GSTO1: variants seen among roughly 807,000 people sequenced by gnomAD.
GSTO1 encodes glutathione S-transferase omega-1.
In GSTO1, 27 loss-of-function variants were observed where a neutral mutation model predicts 23.8. That is an observed-to-expected ratio of 1.13 (90% CI 0.83 to 1.56). GSTO1 has a LOEUF of 1.56. Ranked by LOEUF, GSTO1 falls within the 40% of genes most tolerant of loss-of-function variation. The pLI is 0.00. For missense variants in GSTO1, 255 were observed against 285.8 expected (o/e 0.89, Z 0.78); for synonymous variants, 105 against 109.3 (o/e 0.96, Z 0.25).
At chr10:104,262,910 T>G in intron 3 of GSTO1, 69 bp from the exon 4 acceptor site, 1 of 717,316 alleles carries the variant, frequency 1.4e-6, no homozygotes, top group Non-Finnish European at 2.5e-6. Flanking sequence ...GGTTCTACCA[T>G]ATTTTTATGT....
intron 2 of GSTO1, among the ~76,000 whole-genome samples, chr10:104,257,394 G>A (rs1354038585): frequency 6.0e-5 from 9 of 149,052 alleles, no homozygotes; most frequent in Non-Finnish European, 1.2e-4. Context: ...AGGCTGGAAT[G>A]CAGTGGTGCA....
chr10:104,265,965 T>C (rs2011177048), intron 4 of GSTO1, 119 bp from the exon 5 acceptor site: 2 of 564,252 alleles, frequency 3.5e-6, no homozygotes, highest in Non-Finnish European at 6.5e-6. Context: ...AAACCCAACT[T>C]GGATACATCG....
chr10:104,257,740 A>G (rs1001528501), intron 2 of GSTO1, among the ~76,000 whole-genome samples: 2 of 152,220 alleles, frequency 1.3e-5, no homozygotes, highest in Non-Finnish European at 2.9e-5. Flanking sequence ...TGGTTCTCAT[A>G]TAGTGGATAG....
chr10:104,260,948 A>G (rs7083244), intron 3 of GSTO1, among the ~76,000 whole-genome samples: 11,214 of 152,250 alleles, frequency 0.074, 1,383 homozygotes, highest in African/African-American at 0.26. Flanking sequence ...AGTTTTACAA[A>G]GTAGTAACAA....
intron 3 of GSTO1, among the ~76,000 whole-genome samples, chr10:104,261,082 G>A (rs2011136523): frequency 6.6e-6 from 1 of 152,160 alleles, no homozygotes; most frequent in South Asian, 2.1e-4. Context: ...TTTTTAGTAT[G>A]GCTGGAATAT....
chr10:104,260,377 G>A (rs1220068299), intron 3 of GSTO1, among the ~76,000 whole-genome samples: 4 of 152,068 alleles, frequency 2.6e-5, no homozygotes, highest in African/African-American at 9.7e-5. Flanking sequence ...GTTCATCATT[G>A]GTAAAATGGA....
rs185380244 is a variant in GSTO1 at position 104,266,245 on chromosome 10, T to C, written c.572+55T>C. 28 of 906,940 alleles carry C rather than the reference T, an allele frequency of 3.1e-5. No homozygotes were observed. The African/African-American group carries it at 4.1e-4, about 13-fold the overall frequency. The allele number at this position is 906,940 out of a possible 1,614,324, so 56.2% of individuals were successfully genotyped here. ...TTAGGATGACAGGTGGAATAGTATA[T>C]ATTGACCTTTCTTTATAACAGAAGT... On this transcript the variant is annotated intron_variant, in intron 5 of 5. Transcript: ENST00000369713.
chr10:104,259,081 CAG>C (rs1476527571), intron 2 of GSTO1, among the ~76,000 whole-genome samples: 6 of 152,144 alleles, frequency 3.9e-5, no homozygotes, highest in Admixed American at 2.0e-4. Context: ...CTATGGAAAA[CAG>C]TATAGATGTT....
intron 4 of GSTO1, 96 bp downstream of exon 4, chr10:104,263,173 C>T (rs1214702978): frequency 3.4e-6 from 2 of 586,362 alleles, no homozygotes; most frequent in South Asian, 2.2e-5. Context: ...CTTTCCAAGT[C>T]ACTTTAAGGT....
At chr10:104,266,475 G>A (rs994996528) in intron 5 of GSTO1, among the ~76,000 whole-genome samples, 2 of 152,294 alleles carry the variant, frequency 1.3e-5, no homozygotes, top group African/African-American at 2.4e-5. Context: ...GGTAGCTTAC[G>A]CCTGTAAGCC....
chr10:104,256,424 C>CTTCA (rs1458317345), intron 2 of GSTO1, among the ~76,000 whole-genome samples: 1 of 152,192 alleles, frequency 6.6e-6, no homozygotes, highest in African/African-American at 2.4e-5. Context: ...GGGTTATGTG[C>CTTCA]TTCACCCTGG....
At position 104,259,731 on chromosome 10, in the gene GSTO1, A is replaced by G. The variant is rs1261738193; in HGVS notation, c.299A>G (p.Lys100Arg). 6.2e-7 allele frequency: 1 copy of G among 1,613,962 alleles called. No individual in the cohort carries two copies. Among genetic ancestry groups the G allele is most frequent in the Non-Finnish European group, 8.5e-7 (1 of 1,179,806 alleles). ...TACCTGGATGAAGCATACCCAGGGAAGAAGCTGTTGCCGGATGACCCCTAT... is the reference window on the plus strand; with the variant it reads ...TACCTGGATGAAGCATACCCAGGGAGGAAGCTGTTGCCGGATGACCCCTAT... ...CEYLDEAYPG[K>R]KLLPDDPYEK... Residue 100 changes from lysine to arginine, a missense_variant, in exon 3 of 6, where the codon AAG (lysine) becomes AGG (arginine). Lys to Arg is a conservative substitution (Grantham distance 26). Coordinates refer to ENST00000369713, the MANE Select transcript of GSTO1 (RefSeq NM_004832.3).
At chr10:104,254,547 T>C, upstream of GSTO1, 1 of 350,228 alleles carries the variant, frequency 2.9e-6, no homozygotes, top group Non-Finnish European at 5.4e-6. Context: ...TCGTGAAGCC[T>C]TGGGACGGAG....
At chr10:104,254,301 G>A (rs1394386629), upstream of GSTO1, 1 of 154,082 alleles carries the variant, frequency 6.5e-6, no homozygotes, top group Non-Finnish European at 1.4e-5. Flanking sequence ...AAGATCTTGC[G>A]GGCCAACAAG....
upstream of GSTO1, chr10:104,254,448 A>C (rs554045382): frequency 6.2e-6 from 1 of 160,972 alleles, no homozygotes; most frequent in Non-Finnish European, 1.4e-5. Flanking sequence ...AGAGATTTTT[A>C]TTTTCCCTTC....
At chr10:104,256,161 A>G (rs1259122749) in intron 2 of GSTO1, among the ~76,000 whole-genome samples, 3 of 152,212 alleles carry the variant, frequency 2.0e-5, no homozygotes, top group African/African-American at 7.2e-5. Context: ...TAAAAAATAC[A>G]TTTGAAGGGG....
At chr10:104,267,127 A>G (rs1589848460) in intron 5 of GSTO1, 125 bp from the exon 6 acceptor site, 2 of 569,550 alleles carry the variant, frequency 3.5e-6, no homozygotes, top group East Asian at 5.8e-5. Flanking sequence ...GCATTTTTAA[A>G]TATTTTTAAT....
intron 3 of GSTO1, among the ~76,000 whole-genome samples, chr10:104,261,030 A>T (rs7083390): frequency 0.074 from 11,228 of 152,254 alleles, 1,390 homozygotes; most frequent in African/African-American, 0.26. Context: ...AGTGGTTCTT[A>T]AAGAAAAATC....
chr10:104,257,738 A>C (rs904833072), intron 2 of GSTO1, among the ~76,000 whole-genome samples: 22 of 152,304 alleles, frequency 1.4e-4, no homozygotes, highest in African/African-American at 5.3e-4. Context: ...GTTGGTTCTC[A>C]TATAGTGGAT....
Sources: gnomAD v4.1 joint callset for allele counts (sites outside exome capture counted in the v4.1 genomes callset) on GRCh38, gnomAD v4.1.1 for gene constraint, MANE v1.5 for transcripts, NCBI Gene and HGNC (gene_info 2026-07-23, HGNC 2026-07-21) for gene names.